Variants in KCNAB2 observed in about 807,000 individuals in gnomAD.
The protein encoded by KCNAB2 is potassium voltage-gated channel subfamily A regulatory beta subunit 2, also known as voltage-gated potassium channel subunit beta-2.
A neutral mutation model predicts 63.6 loss-of-function variants in KCNAB2; 29 were observed. The observed-to-expected ratio is 0.46, with a 90% CI of 0.34 to 0.62. The LOEUF (loss-of-function observed/expected upper bound fraction) is 0.62. Ranked by LOEUF, KCNAB2 falls within the 20% of genes least tolerant of loss-of-function variation. The pLI is 0.01. For missense variants in KCNAB2, 359 were observed against 563.9 expected, an observed-to-expected ratio of 0.64 and a Z score of 3.68; for synonymous variants, 222 against 224.2, an observed-to-expected ratio of 0.99 and a Z score of 0.09.
intron 2 of KCNAB2, among the ~76,000 whole-genome samples, chr1:6,053,226 TG>T (rs898411304): frequency 1.3e-5 from 2 of 152,130 alleles, no homozygotes; most frequent in Admixed American, 1.3e-4. Flanking sequence ...AAGGAGACGC[TG>T]GGCATTCATG....
chr1:6,093,694 A>G (rs1019027169), intron 10 of KCNAB2, among the ~76,000 whole-genome samples: 1 of 152,038 alleles, frequency 6.6e-6, no homozygotes, highest in Non-Finnish European at 1.5e-5. Context: ...CCCTGGGACC[A>G]CCCCTTGCCA....
chr1:6,066,962 C>T (rs781505917), intron 2 of KCNAB2, among the ~76,000 whole-genome samples: 2 of 152,226 alleles, frequency 1.3e-5, no homozygotes, highest in South Asian at 2.1e-4. Context: ...GGGAGGATGC[C>T]GACCACTCAT....
intron 1 of KCNAB2, among the ~76,000 whole-genome samples, chr1:6,007,072 T>C (rs1478666279): frequency 6.6e-6 from 1 of 152,166 alleles, no homozygotes. Flanking sequence ...GAGTCAGCGC[T>C]TTCTGTCCCT....
chr1:6,050,783 T>G (rs1034239058), intron 1 of KCNAB2, among the ~76,000 whole-genome samples: 4 of 152,256 alleles, frequency 2.6e-5, no homozygotes, highest in African/African-American at 7.2e-5. Flanking sequence ...CAACTAAGCC[T>G]ATTTCCCCAG....
chr1:6,059,379 T>C (rs1662112398), intron 2 of KCNAB2, among the ~76,000 whole-genome samples: 1 of 152,042 alleles, frequency 6.6e-6, no homozygotes, highest in Admixed American at 6.5e-5. Context: ...TTTGTAGAGA[T>C]GAGTCTCACT....
chr1:6,000,407 G>A (rs957705049), intron 1 of KCNAB2, among the ~76,000 whole-genome samples: 4 of 152,196 alleles, frequency 2.6e-5, no homozygotes, highest in African/African-American at 9.6e-5. Flanking sequence ...AGTAGTGGAT[G>A]CCTCCTTATT....
At chr1:6,021,892 G>A (rs1658849481) in intron 1 of KCNAB2, among the ~76,000 whole-genome samples, 1 of 152,006 alleles carries the variant, frequency 6.6e-6, no homozygotes. Flanking sequence ...TGAGTGTACA[G>A]TTCAGTGGTA....
At chr1:6,009,998 G>A (rs767131975) in intron 1 of KCNAB2, among the ~76,000 whole-genome samples, 3 of 151,700 alleles carry the variant, frequency 2.0e-5, no homozygotes, top group Non-Finnish European at 4.4e-5. Context: ...GGCCTCTGGT[G>A]TAGCTGGGAT....
At chr1:6,025,494 C>T (rs1239948896) in intron 1 of KCNAB2, among the ~76,000 whole-genome samples, 1 of 152,122 alleles carries the variant, frequency 6.6e-6, no homozygotes, top group Non-Finnish European at 1.5e-5. Flanking sequence ...TGAGGGGCCT[C>T]CCCAAGAAGG....
At chr1:6,004,953 A>ATGTG (rs138456698) in intron 1 of KCNAB2, among the ~76,000 whole-genome samples, 67 of 87,308 alleles carry the variant, frequency 7.7e-4, no homozygotes, top group East Asian at 3.2e-3. Flanking sequence ...GAGTGGGGGG[A>ATGTG]TGTGGGAGCT....
At chr1:6,051,927 A>G (rs1014395684) in intron 2 of KCNAB2, among the ~76,000 whole-genome samples, 173 bp downstream of exon 2, 3 of 151,990 alleles carry the variant, frequency 2.0e-5, no homozygotes, top group African/African-American at 7.3e-5. Context: ...AACCTGGTGA[A>G]ACACCACCTA....
chr1:6,014,878 G>A (rs1570863128), intron 1 of KCNAB2, among the ~76,000 whole-genome samples: 1 of 152,182 alleles, frequency 6.6e-6, no homozygotes, highest in African/African-American at 2.4e-5. Context: ...CAGACTCAGA[G>A]TGTCCCCACA....
intron 2 of KCNAB2, among the ~76,000 whole-genome samples, chr1:6,052,663 C>T (rs1227625113): frequency 6.6e-6 from 1 of 152,190 alleles, no homozygotes; most frequent in Non-Finnish European, 1.5e-5. Context: ...GTAAATCCCT[C>T]TCAATTGCAA....
chr1:6,054,657 T>G lies in KCNAB2; in HGVS notation c.218+2903T>G, dbSNP rs183059849. On this transcript the variant is annotated intron_variant, in intron 2 of 15. Transcript: ENST00000378083. ...ACCTGGATACAGAATTTTCTGGGGT[T>G]TAAATACCTTCTAGAGGTTTCCCAT... Among the ~76,000 whole-genome samples the G allele has an allele frequency of 1.8e-3, 274 of 152,280 alleles. 1 individual carries two copies. Among genetic ancestry groups the G allele is most frequent in the African/African-American group, 6.2e-3 (256 of 41,546 alleles).
chr1:6,038,407 C>T (rs1660225137), intron 1 of KCNAB2, among the ~76,000 whole-genome samples: 2 of 152,224 alleles, frequency 1.3e-5, no homozygotes. Flanking sequence ...CCTCCCACCT[C>T]AGCCTCCCGA....
At chr1:6,063,280 C>T (rs2100602926) in intron 2 of KCNAB2, among the ~76,000 whole-genome samples, 1 of 152,220 alleles carries the variant, frequency 6.6e-6, no homozygotes, top group East Asian at 1.9e-4. Context: ...GCCTCAGCCT[C>T]CCAAAGTTCT....
At chr1:6,085,538 A>G (rs1664625703) in intron 6 of KCNAB2, among the ~76,000 whole-genome samples, 1 of 152,090 alleles carries the variant, frequency 6.6e-6, no homozygotes, top group Admixed American at 6.5e-5. Context: ...CCTGCTTGCA[A>G]AGTGTCAGGC....
intron 1 of KCNAB2, among the ~76,000 whole-genome samples, chr1:5,999,177 A>G (rs1025176847): frequency 2.0e-5 from 3 of 152,206 alleles, no homozygotes; most frequent in Admixed American, 6.5e-5. Context: ...GTTGCCCTGC[A>G]TAGGTTGGCT....
rs905327750 is a variant in KCNAB2, at chr1:6,073,195, C to G, written c.262+397C>G. 1.3e-5 allele frequency among the ~76,000 whole-genome samples: 2 copies of G among 152,102 alleles called. No homozygotes were observed. The highest frequency in any genetic ancestry group is 4.8e-5 in the African/African-American group (2 of 41,414). ...CATTGGATTTGGCCCTTTTTCCTCT[C>G]CTGTCAGATACAAGGCCTGTTTCCA... On this transcript the variant is annotated intron_variant, in intron 3 of 15. Transcript: ENST00000378083. This position sits in a 1 kb window ranked among gnomAD's most constrained non-coding sequence, Gnocchi z 5.7.
Sources: gnomAD v4.1 joint callset for allele counts (sites outside exome capture counted in the v4.1 genomes callset) on GRCh38, gnomAD v4.1.1 for gene constraint, Gnocchi (gnomAD v3.1) non-coding constraint, MANE v1.5 for transcripts, NCBI Gene and HGNC (gene_info 2026-07-23, HGNC 2026-07-21) for gene names.